The following GRID1 variants were observed in gnomAD, a reference collection of about 807,000 sequenced individuals.
GRID1 encodes the protein glutamate receptor ionotropic, delta-1.
Under a neutral mutation model 98.0 loss-of-function variants are expected in GRID1, and 28 were observed. The ratio of observed to expected loss-of-function variants is 0.29; its 90% CI spans 0.21 to 0.39. The LOEUF (loss-of-function observed/expected upper bound fraction) is 0.39, where lower values mean the gene tolerates loss of function less well. GRID1 is among the 10% of genes least tolerant of loss of function. GRID1 has a pLI of 1.00. For missense variants in GRID1, 1,111 were observed against 1,340.5 expected (o/e 0.83, Z 2.67); for synonymous variants, 553 against 538.5 (o/e 1.03, Z -0.37).
intron 2 of GRID1, among the ~76,000 whole-genome samples, chr10:86,221,846 G>A (rs1305721667): frequency 2.0e-5 from 3 of 152,158 alleles, no homozygotes; most frequent in South Asian, 2.1e-4. Context: ...TGGCCACAGG[G>A]AGGATGCAGC....
At chr10:86,254,567 A>G (rs765418710) in intron 2 of GRID1, among the ~76,000 whole-genome samples, 7 of 150,148 alleles carry the variant, frequency 4.7e-5, no homozygotes, top group Non-Finnish European at 8.9e-5. Context: ...AAAACCCTTG[A>G]TACTCACGTT....
intron 4 of GRID1, among the ~76,000 whole-genome samples, chr10:86,050,117 A>T (rs1421664516): frequency 1.3e-5 from 2 of 152,212 alleles, no homozygotes; most frequent in Non-Finnish European, 2.9e-5. Context: ...GCTCACAGGG[A>T]TCACTGGAAA....
At chr10:85,927,788 ATGGAAGAGTATGGTCAGATC>A (rs551228814) in intron 4 of GRID1, among the ~76,000 whole-genome samples, 15 of 152,340 alleles carry the variant, frequency 9.8e-5, no homozygotes, top group African/African-American at 3.1e-4. Context: ...GGAAGTTAGG[ATGGAAGAGTATGGTCAGATC>A]TGGATTCCAG....
At chr10:85,937,372 C>A (rs1484241730) in intron 4 of GRID1, among the ~76,000 whole-genome samples, 2 of 152,344 alleles carry the variant, frequency 1.3e-5, no homozygotes, top group South Asian at 4.1e-4. Flanking sequence ...TTCTGACTGG[C>A]CCCGGTGGGC....
At chr10:85,631,985 GCA>G (rs10634848) in intron 13 of GRID1, among the ~76,000 whole-genome samples, 6,084 of 147,528 alleles carry the variant, frequency 0.041, 385 homozygotes, top group African/African-American at 0.13. Context: ...AAACACATAT[GCA>G]CACACACACA....
At chr10:85,772,295 C>T (rs985574784) in intron 8 of GRID1, among the ~76,000 whole-genome samples, 15 of 151,986 alleles carry the variant, frequency 9.9e-5, no homozygotes, top group Non-Finnish European at 1.5e-4. Context: ...ACACAACATA[C>T]GAGAATCTCT....
intron 8 of GRID1, among the ~76,000 whole-genome samples, chr10:85,819,975 AAGGAAGG>A (rs1842748551): frequency 2.1e-5 from 1 of 47,652 alleles, no homozygotes; most frequent in Admixed American, 2.1e-4. Context: ...GAGAGGAAGG[AAGGAAGG>A]AAGGAAGGAA....
intron 10 of GRID1, 42 bp from the exon 11 acceptor site, chr10:85,724,718 T>C: frequency 6.5e-7 from 1 of 1,531,634 alleles, no homozygotes; most frequent in East Asian, 2.3e-5. Flanking sequence ...AGTCCTCAGC[T>C]TACTGCTGGG....
intron 2 of GRID1, among the ~76,000 whole-genome samples, chr10:86,273,160 G>A (rs1472446515): frequency 6.6e-6 from 1 of 151,756 alleles, no homozygotes; most frequent in African/African-American, 2.4e-5. Context: ...AGAACATGCG[G>A]TGTTTGGTTT....
intron 4 of GRID1, among the ~76,000 whole-genome samples, chr10:86,009,085 T>C: frequency 6.6e-6 from 1 of 152,066 alleles, no homozygotes. Context: ...ATGATGAGAT[T>C]GTGTCACAAA....
At chr10:85,837,697 C>T (rs570122994) in intron 8 of GRID1, among the ~76,000 whole-genome samples, 2 of 151,510 alleles carry the variant, frequency 1.3e-5, no homozygotes, top group Non-Finnish European at 2.9e-5. Flanking sequence ...GATAAGCCCA[C>T]AAAGATGAGA....
At chr10:85,733,276 G>T (rs573368963) in intron 8 of GRID1, among the ~76,000 whole-genome samples, 2 of 152,230 alleles carry the variant, frequency 1.3e-5, no homozygotes, top group African/African-American at 4.8e-5. Context: ...ATGTTCTCTG[G>T]GGTCAAAACT....
At chr10:85,946,711 G>T (rs142767978) in intron 4 of GRID1, among the ~76,000 whole-genome samples, 1 of 152,126 alleles carries the variant, frequency 6.6e-6, no homozygotes, top group Non-Finnish European at 1.5e-5. Context: ...AGTCTTGGGC[G>T]GCTCTGAGAA....
chr10:85,750,471 C>T (rs1842036072), intron 8 of GRID1, among the ~76,000 whole-genome samples: 1 of 152,174 alleles, frequency 6.6e-6, no homozygotes. Context: ...AGAGCAAATA[C>T]TTTCACAAAG....
At chr10:86,283,553 A>ACACACACATGCACACACATG (rs60496892) in intron 2 of GRID1, among the ~76,000 whole-genome samples, 1 of 150,026 alleles carries the variant, frequency 6.7e-6, no homozygotes, top group South Asian at 2.1e-4. Flanking sequence ...ACCTGCCCTT[A>ACACACACATGCACACACATG]CACACACATG....
chr10:85,633,356 T>C (rs887994458), intron 13 of GRID1, among the ~76,000 whole-genome samples: 7 of 152,210 alleles, frequency 4.6e-5, no homozygotes, highest in Non-Finnish European at 5.9e-5. Flanking sequence ...GAGAGCCAAA[T>C]CCAGTTCTTT....
intron 12 of GRID1, among the ~76,000 whole-genome samples, chr10:85,667,594 A>G (rs1474081872): frequency 6.6e-6 from 1 of 152,198 alleles, no homozygotes; most frequent in Non-Finnish European, 1.5e-5. Flanking sequence ...CGGATCCAGC[A>G]TGTGAGCACA....
chr10:86,128,946 G>A (rs1195907984), intron 4 of GRID1, among the ~76,000 whole-genome samples: 1 of 152,194 alleles, frequency 6.6e-6, no homozygotes, highest in Non-Finnish European at 1.5e-5. Flanking sequence ...TGTGAATCAA[G>A]TATTGACTCC....
chr10:86,301,959 A>G (rs1847694490), intron 2 of GRID1, among the ~76,000 whole-genome samples: 1 of 152,322 alleles, frequency 6.6e-6, no homozygotes, highest in African/African-American at 2.4e-5. Flanking sequence ...ACCCCCAAAA[A>G]TGGGCTCAGA....
Sources: gnomAD v4.1 joint callset for allele counts (sites outside exome capture counted in the v4.1 genomes callset) on GRCh38, gnomAD v4.1.1 for gene constraint, MANE v1.5 for transcripts, NCBI Gene and HGNC (gene_info 2026-07-23, HGNC 2026-07-21) for gene names.